COG7: variants seen among roughly 807,000 people sequenced by gnomAD.
COG7 encodes the protein component of oligomeric golgi complex 7.
COG7 carries 49 observed loss-of-function variants against 91.5 expected under a neutral mutation model. That is an observed-to-expected ratio of 0.54 (90% confidence interval 0.43 to 0.68). COG7 has a LOEUF of 0.68. Ranked by LOEUF, COG7 falls within the 30% of genes least tolerant of loss-of-function variation. The pLI is 0.00. For missense variants in COG7, 895 were observed against 961.3 expected (o/e 0.93, Z 0.91); for synonymous variants, 365 against 388.7 (o/e 0.94, Z 0.72).
rs1362675963 is a variant in COG7 at position 23,403,822 on chromosome 16, T to C, written c.1675A>G (p.Ser559Gly). The change falls in exon 13 of 17, where the codon AGC becomes GGC. Residue 559 changes from serine to glycine, a missense_variant. By Grantham distance (56) the Ser-to-Gly change is moderately conservative. Coordinates refer to ENST00000307149, the MANE Select transcript of COG7 (RefSeq NM_153603.4). The part of the protein sequence containing the change: ...ILYTLKEKGS[S>G]NHNLLAAPRA... ...GGTGCAGCCAGCAGGTTGTGGTTGC[T>C]TGACCCTTTTTCCTAAGACAAGAAA... 1 of 1,614,226 alleles carries C rather than the reference T, an allele frequency of 6.2e-7. No individual in the cohort carries two copies.
intron 10 of COG7, among the ~76,000 whole-genome samples, chr16:23,410,618 C>A (rs1963547013): frequency 6.6e-6 from 1 of 152,052 alleles, no homozygotes; most frequent in East Asian, 1.9e-4. Context: ...TCCATGGCCC[C>A]CTCAAATAAT....
At position 23,418,794 on chromosome 16, in the gene COG7, A is replaced by T. The variant is rs200768125; in HGVS notation, c.1043T>A (p.Val348Glu). 6.2e-7 allele frequency: 1 copy of T among 1,613,788 alleles called. No homozygotes were observed. The highest frequency in any genetic ancestry group is 8.5e-7 in the Non-Finnish European group (1 of 1,179,666). ...EHNLVKVTELVDAVYDPYKPY... is the reference protein window; with the variant it reads ...EHNLVKVTELEDAVYDPYKPY... ...TTTGTATGGATCATACACAGCATCCACCAGCTCCGTGACTTTTACCAGATT... is the reference window on the plus strand; with the variant it reads ...TTTGTATGGATCATACACAGCATCCTCCAGCTCCGTGACTTTTACCAGATT... Residue 348 changes from valine to glutamate, a missense_variant, in exon 8 of 17, where the codon GTG becomes GAG. By Grantham distance (121) the Val-to-Glu change is moderately radical (BLOSUM62 -2). Transcript: ENST00000307149.
chr16:23,433,381 G>A (rs948535591), intron 6 of COG7, among the ~76,000 whole-genome samples, 164 bp downstream of exon 6: 3 of 152,112 alleles, frequency 2.0e-5, no homozygotes, highest in East Asian at 3.9e-4. Context: ...GTGAGCCACC[G>A]CACCCGGCCT....
rs773753703 is a variant in COG7 at position 23,452,986 on chromosome 16, G to A, written c.9C>T (p.Phe3=). 4 of 1,614,104 alleles carry A rather than the reference G, an allele frequency of 2.5e-6. No individual in the cohort carries two copies. Among genetic ancestry groups the A allele is most frequent in the South Asian group, 2.2e-5 (2 of 91,084 alleles). ...CGAAGTCGTCTGCCAGGAACTTGGA[G>A]AAGTCCATGGCGGAACTGCCTCAGG... The part of the protein sequence containing the change: MD[F]SKFLADDFDV... Residue 3 remains phenylalanine (F), a synonymous_variant, in exon 1 of 17, where the codon TTC becomes TTT. Transcript: ENST00000307149.
rs384207 is a variant in COG7, at chr16:23,409,086, T to C, written c.1475+1209A>G. On this transcript the variant is annotated intron_variant, in intron 11 of 16. Transcript: ENST00000307149. ...ATGCGTGTGTGTGTGTGTGTGTGTG[T>C]GTGCGTGCATGTGTGTGTGTGTGTG... 2.2e-3 allele frequency among the ~76,000 whole-genome samples: 247 copies of C among 113,310 alleles called. 3 individuals carry two copies. The highest frequency in any genetic ancestry group is 8.2e-3 in the African/African-American group (209 of 25,546). 74.3% of individuals were successfully genotyped at this position (113,310 alleles called of 152,430 possible).
chr16:23,419,992 T>C (rs1275360154), intron 7 of COG7, among the ~76,000 whole-genome samples: 1 of 150,914 alleles, frequency 6.6e-6, no homozygotes, highest in Admixed American at 6.6e-5. Flanking sequence ...ACAAAAAAAA[T>C]TTAGCTGGGC....
chr16:23,397,936 A>G (rs1249029558), intron 14 of COG7, 110 bp downstream of exon 14: 2 of 939,808 alleles, frequency 2.1e-6, no homozygotes, highest in East Asian at 2.5e-5. Flanking sequence ...CAGGCTACCC[A>G]AAAGGGTCAG....
intron 5 of COG7, among the ~76,000 whole-genome samples, chr16:23,433,884 T>C (rs1439148828): frequency 6.6e-6 from 1 of 151,886 alleles, no homozygotes; most frequent in Non-Finnish European, 1.5e-5. Flanking sequence ...ACCCTGCGGA[T>C]GTGATCCCCT....
intron 13 of COG7, among the ~76,000 whole-genome samples, chr16:23,399,551 C>G (rs1328284127): frequency 6.6e-6 from 1 of 152,046 alleles, no homozygotes; most frequent in Non-Finnish European, 1.5e-5. Context: ...TGTACACCCC[C>G]ACACCTCCTA....
At chr16:23,397,890 A>G (rs1180284381) in intron 14 of COG7, among the ~76,000 whole-genome samples, 156 bp downstream of exon 14, 3 of 152,204 alleles carry the variant, frequency 2.0e-5, no homozygotes, top group Non-Finnish European at 4.4e-5. Flanking sequence ...TGATCTTCTT[A>G]AAGTCCAGGA....
chr16:23,419,428 A>G (rs1963714296), intron 7 of COG7, among the ~76,000 whole-genome samples: 1 of 141,966 alleles, frequency 7.0e-6, no homozygotes, highest in Non-Finnish European at 1.5e-5. Context: ...AAAAAAAAAG[A>G]TAACCCTCAT....
intron 15 of COG7, 116 bp downstream of exon 15, chr16:23,393,117 T>A (rs1228734040): frequency 9.4e-6 from 7 of 743,984 alleles, no homozygotes; most frequent in Non-Finnish European, 1.7e-5. Flanking sequence ...GTTAGAAGGT[T>A]AAAAAAAAAC....
At chr16:23,410,236 C>G (rs1963540070) in intron 11 of COG7, 59 bp downstream of exon 11, 2 of 1,439,554 alleles carry the variant, frequency 1.4e-6, no homozygotes, top group Non-Finnish European at 2.0e-6. Context: ...GTGTACTAGA[C>G]CAAGCTCGTG....
intron 12 of COG7, 147 bp from the exon 13 acceptor site, chr16:23,403,981 G>A (rs1390409781): frequency 4.6e-6 from 4 of 870,272 alleles, no homozygotes; most frequent in Non-Finnish European, 3.6e-6. Context: ...GGCCCCTCTG[G>A]AGAACATGCT....
chr16:23,426,174 C>T (rs1963842765), intron 6 of COG7, among the ~76,000 whole-genome samples: 1 of 152,158 alleles, frequency 6.6e-6, no homozygotes, highest in South Asian at 2.1e-4. Context: ...TGAGATGTTG[C>T]CACTGCACTC....
chr16:23,403,839 GA>G lies in COG7; in HGVS notation c.1663-6del, dbSNP rs1486534580. The G allele has an allele frequency of 6.2e-7, 1 of 1,614,176 alleles. No individual in the cohort carries two copies. Among genetic ancestry groups the G allele is most frequent in the South Asian group, 1.1e-5 (1 of 91,076 alleles). ...GTGGTTGCTTGACCCTTTTTCCTAA[GA>G]CAAGAAAATGCAAAAGGCAGTTGTT... On this transcript the variant is annotated splice_region_variant and splice_polypyrimidine_tract_variant and intron_variant, in intron 12 of 16. Coordinates refer to ENST00000307149, the MANE Select transcript of COG7 (RefSeq NM_153603.4).
rs574456274 is a variant in COG7, at chr16:23,407,936, C to A, written c.1476-1674G>T. On this transcript the variant is annotated intron_variant, in intron 11 of 16. Transcript: ENST00000307149. ...CTGTGCACACTGCGTTCTCTTGGCA[C>A]AGCAATGAGCATACTGGCACATGCT... 7.9e-5 allele frequency among the ~76,000 whole-genome samples: 12 copies of A among 151,126 alleles called. 1 individual carries two copies. The highest frequency in any genetic ancestry group is 2.9e-4 in the African/African-American group (12 of 41,070).
intron 14 of COG7, among the ~76,000 whole-genome samples, chr16:23,397,245 A>G (rs1001322070): frequency 2.0e-5 from 3 of 152,178 alleles, no homozygotes; most frequent in Admixed American, 2.0e-4. Context: ...CTTTCTAGTC[A>G]TTTTGGCAGA....
Position 23,392,802 on chromosome 16 carries a change from G to A in COG7, c.2003-279C>T, listed in dbSNP as rs250582. On this transcript the variant is annotated intron_variant, in intron 15 of 16. Coordinates refer to ENST00000307149, the MANE Select transcript of COG7 (RefSeq NM_153603.4). ...AAAAATTAGCCAGGCGTGGTGGTGC[G>A]CGCCTGTAGTCCCAGCTACTCAGGA... 0.088 allele frequency among the ~76,000 whole-genome samples: 13,438 copies of A among 152,022 alleles called. 658 individuals carry two copies. The highest frequency in any genetic ancestry group is 0.12 in the African/African-American group (5,062 of 41,434).
Sources: gnomAD v4.1 joint callset for allele counts (sites outside exome capture counted in the v4.1 genomes callset) on GRCh38, gnomAD v4.1.1 for gene constraint, MANE v1.5 for transcripts, NCBI Gene and HGNC (gene_info 2026-07-23, HGNC 2026-07-21) for gene names.